The following CACNA1C variants were observed in gnomAD, a reference collection of about 807,000 sequenced individuals.
CACNA1C encodes the protein voltage-dependent L-type calcium channel subunit alpha-1C.
In CACNA1C, 30 loss-of-function variants were observed where a neutral mutation model predicts 229.0. That is an observed-to-expected ratio of 0.13 (90% CI 0.10 to 0.18). The LOEUF (loss-of-function observed/expected upper bound fraction) is 0.18. CACNA1C is among the 10% of genes least tolerant of loss of function. The pLI, the probability that CACNA1C is intolerant of heterozygous loss-of-function variation, is 1.00. For missense variants in CACNA1C, 1,658 were observed against 2,845.0 expected, an observed-to-expected ratio of 0.58 and a Z score of 9.49; for synonymous variants, 1,114 against 1,132.5, an observed-to-expected ratio of 0.98 and a Z score of 0.33.
At chr12:2,025,094 G>A (rs764320934) in intron 1 of CACNA1C, among the ~76,000 whole-genome samples, 5 of 152,238 alleles carry the variant, frequency 3.3e-5, no homozygotes, top group South Asian at 2.1e-4. Flanking sequence ...CCTTCCCCAC[G>A]GCCTCTGCAA....
At chr12:2,489,444 C>T (rs553306896) in intron 6 of CACNA1C, among the ~76,000 whole-genome samples, 15 of 152,310 alleles carry the variant, frequency 9.8e-5, no homozygotes, top group African/African-American at 3.1e-4. Flanking sequence ...TCCCTAATCC[C>T]GGAGGCATCT....
chr12:2,573,972 G>A (rs927702683), intron 13 of CACNA1C, among the ~76,000 whole-genome samples: 4 of 152,120 alleles, frequency 2.6e-5, no homozygotes, highest in African/African-American at 9.7e-5. Flanking sequence ...GTCAAAATCT[G>A]AGAACACCTT....
chr12:2,072,482 G>A (rs1052298367), intron 1 of CACNA1C, among the ~76,000 whole-genome samples: 3 of 152,254 alleles, frequency 2.0e-5, no homozygotes, highest in African/African-American at 4.8e-5. Flanking sequence ...TTATAGGTAT[G>A]AGCCACTGCA....
At chr12:2,688,099 T>C (rs1331177327) in intron 45 of CACNA1C, among the ~76,000 whole-genome samples, 1 of 152,110 alleles carries the variant, frequency 6.6e-6, no homozygotes, top group East Asian at 1.9e-4. Flanking sequence ...CTCACCCTGC[T>C]CTCCATTCTA....
At chr12:2,260,096 C>T (rs1462431666) in intron 3 of CACNA1C, among the ~76,000 whole-genome samples, 2 of 152,162 alleles carry the variant, frequency 1.3e-5, no homozygotes, top group African/African-American at 2.4e-5. Context: ...GAAGGAAGAC[C>T]GACATCCTGC....
intron 3 of CACNA1C, among the ~76,000 whole-genome samples, chr12:2,289,092 G>A (rs191248507): frequency 6.0e-4 from 91 of 152,320 alleles, no homozygotes; most frequent in African/African-American, 2.1e-3. Context: ...CCCATATGGG[G>A]AAGATATGCC....
At chr12:2,381,937 C>G (rs1313020623) in intron 3 of CACNA1C, among the ~76,000 whole-genome samples, 1 of 152,210 alleles carries the variant, frequency 6.6e-6, no homozygotes, top group East Asian at 1.9e-4. Flanking sequence ...GCAGATGGAT[C>G]CCAGGGACAG....
intron 11 of CACNA1C, among the ~76,000 whole-genome samples, chr12:2,558,374 G>A (rs891950570): frequency 6.7e-6 from 1 of 148,490 alleles, no homozygotes; most frequent in Non-Finnish European, 1.5e-5. Context: ...ATCCACTGCT[G>A]GAGTCCATGC....
In CACNA1C at chr12:2,410,983, C is replaced by T. The variant is rs1162210018; in HGVS notation, c.478-37993C>T. Among the ~76,000 whole-genome samples the T allele has an allele frequency of 6.6e-6, 1 of 152,066 alleles. No homozygotes were observed. Among genetic ancestry groups the T allele is most frequent in the Non-Finnish European group, 1.5e-5 (1 of 68,008 alleles). ...CCTACTCCCCTTGCAGCATGAGAGG[C>T]CCAGTACCTGTAAGACTACCAGGCT... On this transcript the variant is annotated intron_variant, in intron 3 of 46. Coordinates refer to ENST00000399655, the MANE Select transcript of CACNA1C (RefSeq NM_000719.7). This position sits in a 1 kb window ranked among gnomAD's most constrained non-coding sequence, Gnocchi z 5.3.
Position 2,597,079 on chromosome 12 carries a change from T to G in CACNA1C, c.2794-151T>G. On this transcript the variant is annotated intron_variant, in intron 20 of 46. Coordinates refer to ENST00000399655, the MANE Select transcript of CACNA1C (RefSeq NM_000719.7). This position sits in a 1 kb window ranked among gnomAD's most constrained non-coding sequence, Gnocchi z 4.3. ...GTGTGTGTGCCGCTTGCCCCCCATGTCCATCTGTGTCCCTGTGCAAAGGCT... is the reference window on the plus strand; with the variant it reads ...GTGTGTGTGCCGCTTGCCCCCCATGGCCATCTGTGTCCCTGTGCAAAGGCT... 1 of 620,330 alleles carries G rather than the reference T, an allele frequency of 1.6e-6. No individual in the cohort carries two copies. The highest frequency in any genetic ancestry group is 2.1e-5 in the South Asian group (1 of 48,588). 38.4% of individuals were successfully genotyped at this position (620,330 alleles called of 1,614,324 possible).
At chr12:2,497,711 T>A (rs560464905) in intron 7 of CACNA1C, among the ~76,000 whole-genome samples, 119 of 152,286 alleles carry the variant, frequency 7.8e-4, no homozygotes, top group African/African-American at 2.7e-3. Context: ...GACTGATTTT[T>A]TTTTACAAGT....
In CACNA1C at chr12:2,691,106, C is replaced by T. The variant is rs757538773; in HGVS notation, c.6324C>T (p.Ala2108=). ...VNCRDAGQDR[A]GGEEDAGCVR... is the part of the protein sequence containing the mutation. Reference sequence around the variant, plus strand: ...GCAGGGACGCGGGGCAGGACCGAGCCGGGGGCGAAGAGGACGCGGGCTGTG... The same window carrying T: ...GCAGGGACGCGGGGCAGGACCGAGCTGGGGGCGAAGAGGACGCGGGCTGTG... The change falls in exon 47 of 47, where the codon GCC becomes GCT. Residue 2108 remains alanine, a synonymous_variant. Coordinates refer to ENST00000399655, the MANE Select transcript of CACNA1C (RefSeq NM_000719.7). The T allele has an allele frequency of 7.4e-6, 12 of 1,611,816 alleles. No individual in the cohort carries two copies. Among genetic ancestry groups the T allele is most frequent in the African/African-American group, 4.0e-5 (3 of 74,820 alleles).
intron 3 of CACNA1C, among the ~76,000 whole-genome samples, chr12:2,395,306 C>T (rs1287242277): frequency 6.6e-6 from 1 of 151,610 alleles, no homozygotes; most frequent in Non-Finnish European, 1.5e-5. Context: ...GCAACCTCCG[C>T]CTTCTTGGTT....
chr12:2,419,611 G>A (rs928568769), intron 3 of CACNA1C, among the ~76,000 whole-genome samples: 12 of 152,194 alleles, frequency 7.9e-5, no homozygotes, highest in Admixed American at 3.9e-4. Context: ...CAGGGGCCCC[G>A]CAGTCCAGAA....
chr12:2,226,141 A>C (rs796615339), intron 3 of CACNA1C, among the ~76,000 whole-genome samples: 3 of 146,796 alleles, frequency 2.0e-5, no homozygotes, highest in African/African-American at 8.0e-5. Flanking sequence ...ACACACACAC[A>C]CACACACACA....
intron 34 of CACNA1C, among the ~76,000 whole-genome samples, chr12:2,663,764 C>T (rs3926158): frequency 0.76 from 104,472 of 137,660 alleles, 39,212 homozygotes; most frequent in Admixed American, 0.84. Context: ...TTTTTTGAGA[C>T]GGAGTCTCGC....
At chr12:2,481,229 G>A (rs1211391904) in intron 5 of CACNA1C, among the ~76,000 whole-genome samples, 3 of 152,122 alleles carry the variant, frequency 2.0e-5, no homozygotes, top group Non-Finnish European at 2.9e-5. Flanking sequence ...GTCAGCCCTC[G>A]TCAGTCATGG....
In CACNA1C at chr12:2,605,648, A is replaced by C; in HGVS notation, c.3049-31A>C. 6.5e-7 allele frequency: 1 copy of C among 1,544,048 alleles called. No individual in the cohort carries two copies. Among genetic ancestry groups the C allele is most frequent in the Non-Finnish European group, 9.0e-7 (1 of 1,116,542 alleles). On this transcript the variant is annotated intron_variant, in intron 23 of 46. Coordinates refer to ENST00000399655, the MANE Select transcript of CACNA1C (RefSeq NM_000719.7). This position sits in a 1 kb window ranked among gnomAD's most constrained non-coding sequence, Gnocchi z 6.2. ...AAGGCTCCTGGCATCTCCTGAAGCC[A>C]CGTCCCTCTCCCCGTCCCTTCCCAC... is the stretch of plus-strand genomic sequence containing the variant.
At chr12:2,317,345 G>T (rs997859100) in intron 3 of CACNA1C, among the ~76,000 whole-genome samples, 5 of 152,230 alleles carry the variant, frequency 3.3e-5, no homozygotes, top group Admixed American at 2.0e-4. Context: ...GATCCATGCT[G>T]CAACATGGAT....
Sources: allele counts gnomAD v4.1 joint callset (sites outside exome capture counted in the v4.1 genomes callset), GRCh38; gene constraint gnomAD v4.1.1; non-coding constraint Gnocchi (gnomAD v3.1); transcripts MANE v1.5; gene names NCBI Gene and HGNC (gene_info 2026-07-23, HGNC 2026-07-21).